The following STK32B variants were observed in gnomAD, a reference collection of about 807,000 sequenced individuals.
STK32B encodes serine/threonine kinase 32B, also known as serine/threonine-protein kinase 32B.
STK32B carries 43 observed loss-of-function variants against 52.6 expected under a neutral mutation model. That is an observed-to-expected ratio of 0.82 (90% CI 0.64 to 1.05). The LOEUF (loss-of-function observed/expected upper bound fraction) is 1.05, where lower values mean the gene tolerates loss of function less well. STK32B is among the 50% of genes least tolerant of loss of function. The pLI, the probability that STK32B is intolerant of heterozygous loss-of-function variation, is 0.00. For missense variants in STK32B, 621 were observed against 534.6 expected (o/e 1.16, Z -1.59); for synonymous variants, 238 against 204.3 (o/e 1.17, Z -1.41).
intron 3 of STK32B, among the ~76,000 whole-genome samples, chr4:5,239,528 A>G (rs1724863219): frequency 1.3e-5 from 2 of 152,076 alleles, no homozygotes. Flanking sequence ...CTCCCTAAGC[A>G]TGCGGGAGAT....
intron 3 of STK32B, among the ~76,000 whole-genome samples, chr4:5,194,403 G>A (rs1458790707): frequency 6.6e-6 from 1 of 152,162 alleles, no homozygotes; most frequent in African/African-American, 2.4e-5. Context: ...CCTCTCATTG[G>A]GCGGAGATTC....
rs1235774230 is a variant in STK32B, at chr4:5,058,753, C to CT, written c.52+6840dup. Among the ~76,000 whole-genome samples, 1 of 151,736 alleles carries CT rather than the reference C, an allele frequency of 6.6e-6. No individual in the cohort carries two copies. Among genetic ancestry groups the CT allele is most frequent in the African/African-American group, 2.4e-5 (1 of 41,318 alleles). On this transcript the variant is annotated intron_variant, in intron 1 of 11. Coordinates refer to ENST00000282908, the MANE Select transcript of STK32B (RefSeq NM_018401.3). This position sits in a 1 kb window ranked among gnomAD's most constrained non-coding sequence, Gnocchi z 4.8. ...ATTTATTTATTTTTTATTTATTTTA[C>CT]TTATTTATTTTTTGATATAGAATCT...
chr4:5,076,004 C>G (rs569340592), intron 1 of STK32B, among the ~76,000 whole-genome samples: 6 of 152,274 alleles, frequency 3.9e-5, no homozygotes, highest in Admixed American at 6.5e-5. Context: ...GCAGCCCTGG[C>G]TGGAGATGCT....
chr4:5,454,018 G>A (rs921013765), intron 7 of STK32B, among the ~76,000 whole-genome samples: 5 of 152,110 alleles, frequency 3.3e-5, no homozygotes, highest in African/African-American at 7.2e-5. Flanking sequence ...CTGCCCTTCC[G>A]CAAACATGCC....
At chr4:5,091,765 A>G (rs1031380784) in intron 1 of STK32B, among the ~76,000 whole-genome samples, 4 of 152,192 alleles carry the variant, frequency 2.6e-5, no homozygotes, top group African/African-American at 9.6e-5. Context: ...AAACATGCAG[A>G]ATTATTCATA....
rs1196291439 is a variant in STK32B, at chr4:5,367,688, A to G, written c.435-30519A>G. The stretch of plus-strand genomic sequence containing the variant: ...AGAATGTGCGCATGGCCAGTTTATT[A>G]TGTGATCTCTGCCACTGGTCTATTT... On this transcript the variant is annotated intron_variant, in intron 4 of 11. Coordinates refer to ENST00000282908, the MANE Select transcript of STK32B (RefSeq NM_018401.3). Among the ~76,000 whole-genome samples the G allele has an allele frequency of 3.0e-4, 46 of 152,202 alleles. 1 individual carries two copies. Among genetic ancestry groups the G allele is most frequent in the Admixed American group, 3.0e-3 (46 of 15,284 alleles).
At chr4:5,329,214 C>T (rs1436597440) in intron 3 of STK32B, among the ~76,000 whole-genome samples, 2 of 152,080 alleles carry the variant, frequency 1.3e-5, no homozygotes, top group East Asian at 1.9e-4. Flanking sequence ...CACAGCACTT[C>T]CTGTGAGTCT....
intron 11 of STK32B, among the ~76,000 whole-genome samples, chr4:5,478,290 C>T (rs539295436): frequency 7.9e-4 from 121 of 152,326 alleles, no homozygotes; most frequent in South Asian, 2.1e-3. Context: ...CCCTTCAGTT[C>T]TGTCAGAGCG....
At chr4:5,032,078 G>A in the STK32B span, among the ~76,000 whole-genome samples, 1 of 151,574 alleles carries the variant, frequency 6.6e-6, no homozygotes, top group Middle Eastern at 3.4e-3. Flanking sequence ...AAACAAATAC[G>A]TTTTTTGTAT....
chr4:5,228,994 C>T (rs997231121), intron 3 of STK32B, among the ~76,000 whole-genome samples: 4 of 152,100 alleles, frequency 2.6e-5, no homozygotes, highest in African/African-American at 9.7e-5. Context: ...TATGTTTATA[C>T]TCTACTGTAG....
At chr4:5,297,201 C>A (rs1344095570) in intron 3 of STK32B, among the ~76,000 whole-genome samples, 1 of 152,152 alleles carries the variant, frequency 6.6e-6, no homozygotes, top group Non-Finnish European at 1.5e-5. Flanking sequence ...TCTCTGGCTG[C>A]CCTTAACATG....
chr4:5,296,757 A>T (rs867448018), intron 3 of STK32B, among the ~76,000 whole-genome samples: 35 of 152,292 alleles, frequency 2.3e-4, no homozygotes, highest in Middle Eastern at 3.4e-3. Context: ...CATTTATCCC[A>T]TTGACATTTA....
chr4:5,124,288 G>C (rs1715231970), intron 1 of STK32B, among the ~76,000 whole-genome samples: 1 of 152,164 alleles, frequency 6.6e-6, no homozygotes, highest in African/African-American at 2.4e-5. Context: ...GGGTTGCTGA[G>C]AGCTATGTGC....
chr4:5,337,728 A>T (rs1732801928), intron 4 of STK32B, among the ~76,000 whole-genome samples: 1 of 152,214 alleles, frequency 6.6e-6, no homozygotes, highest in Non-Finnish European at 1.5e-5. Context: ...AAAACTCAGT[A>T]AAAATAACAT....
intron 3 of STK32B, among the ~76,000 whole-genome samples, chr4:5,184,730 C>G (rs1366969674): frequency 1.3e-5 from 2 of 149,960 alleles, no homozygotes; most frequent in African/African-American, 4.9e-5. Context: ...ACAAAGATCA[C>G]TGCCATAACA....
chr4:5,284,359 G>T (rs1394446926), intron 3 of STK32B, among the ~76,000 whole-genome samples: 3 of 152,036 alleles, frequency 2.0e-5, no homozygotes. Flanking sequence ...TAAAAACTAG[G>T]TTTAAGAGAA....
chr4:5,111,138 A>T (rs984731820), intron 1 of STK32B, among the ~76,000 whole-genome samples: 2 of 152,332 alleles, frequency 1.3e-5, no homozygotes, highest in African/African-American at 4.8e-5. Context: ...ACGTGGAGAA[A>T]GGCAAATGCT....
rs76096581 is a variant in STK32B at position 5,398,613 on chromosome 4, G to C, written c.472+369G>C. On this transcript the variant is annotated intron_variant, in intron 5 of 11. Coordinates refer to ENST00000282908, the MANE Select transcript of STK32B (RefSeq NM_018401.3). The surrounding 1 kb of genome is among the most constrained non-coding windows in gnomAD (Gnocchi z 4.9). ...CCTCAGTGTAATTTTCTGTAAACTG[G>C]GGAGAAGGCACCTCCCTTGCAGGGT... is the stretch of plus-strand genomic sequence containing the variant. 1.3e-5 allele frequency among the ~76,000 whole-genome samples: 2 copies of C among 152,132 alleles called. No individual in the cohort carries two copies. The highest frequency in any genetic ancestry group is 1.3e-4 in the Admixed American group (2 of 15,280).
chr4:5,453,391 T>C lies in STK32B; in HGVS notation c.667-3416T>C, dbSNP rs1716186869. ...TCAAGTTGGGTGCTTGGATTCTGGG[T>C]CTCTGGTGGCAATGCAGAAAGACCA... On this transcript the variant is annotated intron_variant, in intron 7 of 11. Transcript: ENST00000282908. This position sits in a 1 kb window ranked among gnomAD's most constrained non-coding sequence, Gnocchi z 4.0. 6.6e-6 allele frequency among the ~76,000 whole-genome samples: 1 copy of C among 152,108 alleles called. No individual in the cohort carries two copies. The highest frequency in any genetic ancestry group is 2.1e-4 in the South Asian group (1 of 4,810).
Sources: gnomAD v4.1 joint callset for allele counts (sites outside exome capture counted in the v4.1 genomes callset) on GRCh38, gnomAD v4.1.1 for gene constraint, Gnocchi (gnomAD v3.1) non-coding constraint, MANE v1.5 for transcripts, NCBI Gene and HGNC (gene_info 2026-07-23, HGNC 2026-07-21) for gene names.